Variants in NCKAP5 observed in about 807,000 individuals in gnomAD.
The protein encoded by NCKAP5 is NCK associated protein 5.
NCKAP5 carries 92 observed loss-of-function variants against 167.0 expected under a neutral mutation model. The observed-to-expected ratio is 0.55, with a 90% CI of 0.47 to 0.66. The LOEUF is 0.66. Among genes scored for constraint, NCKAP5 ranks in the 30% least tolerant of loss-of-function variants. The pLI is 0.00. For missense variants in NCKAP5, 2,378 were observed against 2,315.0 expected (o/e 1.03, Z -0.56); for synonymous variants, 891 against 877.4 (o/e 1.02, Z -0.27).
rs555617386 is a variant in NCKAP5, at chr2:133,471,891, C to T, written c.69+45567G>A. On this transcript the variant is annotated intron_variant, in intron 3 of 19. Coordinates refer to ENST00000409261, the MANE Select transcript of NCKAP5 (RefSeq NM_207363.3). ...ATCTTACTCAAGTCTCAAACTTTCA[C>T]GACCATATGTTATGCTTTAGTTTGA... Among the ~76,000 whole-genome samples, 6 of 152,280 alleles carry T rather than the reference C, an allele frequency of 3.9e-5. No homozygotes were observed. In the East Asian group the frequency reaches 9.7e-4, roughly 25 times the overall value.
chr2:133,011,211 C>T (rs2078149307), intron 6 of NCKAP5, among the ~76,000 whole-genome samples: 1 of 152,180 alleles, frequency 6.6e-6, no homozygotes, highest in Admixed American at 6.5e-5. Context: ...TTTTTCCCCC[C>T]ATCTCACTAC....
At chr2:133,557,638 CTATT>C (rs1687835783) in intron 2 of NCKAP5, among the ~76,000 whole-genome samples, 1 of 152,190 alleles carries the variant, frequency 6.6e-6, no homozygotes, top group Non-Finnish European at 1.5e-5. Context: ...CATGCAGAAA[CTATT>C]TAATCAAAGG....
intron 3 of NCKAP5, among the ~76,000 whole-genome samples, chr2:133,359,596 A>G (rs1684963560): frequency 1.3e-5 from 2 of 152,212 alleles, no homozygotes; most frequent in South Asian, 4.1e-4. Flanking sequence ...ATAAGCAGAA[A>G]AAAGTTATTG....
intron 6 of NCKAP5, among the ~76,000 whole-genome samples, chr2:133,039,951 T>C (rs2079158275): frequency 6.6e-6 from 1 of 152,242 alleles, no homozygotes; most frequent in African/African-American, 2.4e-5. Context: ...AGCTCAAAGA[T>C]TTTAAAAATA....
chr2:133,603,227 TC>T, the NCKAP5 span, among the ~76,000 whole-genome samples: 4 of 101,414 alleles, frequency 3.9e-5, no homozygotes, highest in Admixed American at 1.0e-4. Context: ...TCTTTTTCTT[TC>T]TTTTTTTTTT....
At chr2:133,102,210 G>T (rs745639990) in intron 6 of NCKAP5, among the ~76,000 whole-genome samples, 9 of 151,988 alleles carry the variant, frequency 5.9e-5, no homozygotes, top group South Asian at 2.1e-4. Context: ...GCAGTGGCAC[G>T]ATCTCGGCTC....
At chr2:133,291,865 C>G (rs755754572) in intron 4 of NCKAP5, among the ~76,000 whole-genome samples, 6 of 152,212 alleles carry the variant, frequency 3.9e-5, no homozygotes, top group Non-Finnish European at 7.3e-5. Flanking sequence ...TTCAAGGAAC[C>G]TTGCCATCCT....
the NCKAP5 span, among the ~76,000 whole-genome samples, chr2:133,621,777 C>A: frequency 6.6e-6 from 1 of 152,110 alleles, no homozygotes; most frequent in African/African-American, 2.4e-5. Context: ...CTCCCTAAAT[C>A]ATTCTATGAA....
chr2:132,972,355 A>T (rs1359720326), intron 7 of NCKAP5, among the ~76,000 whole-genome samples: 1 of 152,208 alleles, frequency 6.6e-6, no homozygotes, highest in Non-Finnish European at 1.5e-5. Context: ...AGCAAAGGGC[A>T]TTGAGGCTCC....
chr2:133,606,007 T>C, the NCKAP5 span, among the ~76,000 whole-genome samples: 1 of 152,188 alleles, frequency 6.6e-6, no homozygotes, highest in Non-Finnish European at 1.5e-5. Flanking sequence ...TATGCCACAA[T>C]TACATCAGCA....
intron 2 of NCKAP5, among the ~76,000 whole-genome samples, chr2:133,528,773 G>T (rs1456167932): frequency 1.3e-5 from 2 of 152,148 alleles, no homozygotes; most frequent in African/African-American, 2.4e-5. Context: ...AGGTTTAAAT[G>T]ATGCCTTCCC....
At chr2:133,001,328 T>C (rs547259335) in intron 6 of NCKAP5, among the ~76,000 whole-genome samples, 161 of 151,812 alleles carry the variant, frequency 1.1e-3, no homozygotes, top group African/African-American at 3.8e-3. Flanking sequence ...CAAGTGATTG[T>C]CCAGCCTCAG....
At chr2:133,232,324 T>TAAATG (rs2087188915) in intron 4 of NCKAP5, among the ~76,000 whole-genome samples, 2 of 152,126 alleles carry the variant, frequency 1.3e-5, no homozygotes, top group African/African-American at 2.4e-5. Flanking sequence ...TTAAAAATGT[T>TAAATG]TTAAGTCACA....
chr2:133,605,910 T>C, the NCKAP5 span, among the ~76,000 whole-genome samples: 9 of 152,210 alleles, frequency 5.9e-5, no homozygotes, highest in Non-Finnish European at 1.2e-4. Context: ...TGAGGCTCTG[T>C]GCTTCAAAGA....
intron 3 of NCKAP5, among the ~76,000 whole-genome samples, chr2:133,485,217 G>A (rs999538535): frequency 5.9e-5 from 9 of 152,082 alleles, no homozygotes; most frequent in African/African-American, 1.4e-4. Flanking sequence ...ATGTAATTAC[G>A]TTTATATCTT....
intron 4 of NCKAP5, among the ~76,000 whole-genome samples, chr2:133,299,115 G>A (rs1358279444): frequency 6.6e-6 from 1 of 152,112 alleles, no homozygotes; most frequent in Non-Finnish European, 1.5e-5. Flanking sequence ...CTGAATTTTT[G>A]TTGTATCCTA....
chr2:133,627,556 C>G, the NCKAP5 span, among the ~76,000 whole-genome samples: 1 of 152,118 alleles, frequency 6.6e-6, no homozygotes, highest in Non-Finnish European at 1.5e-5. Context: ...AGGTGGATCA[C>G]CTGAGGCCAG....
chr2:132,887,688 C>T (rs1320318362), intron 8 of NCKAP5, among the ~76,000 whole-genome samples: 1 of 152,120 alleles, frequency 6.6e-6, no homozygotes, highest in African/African-American at 2.4e-5. Flanking sequence ...GCTCTGTCAC[C>T]CAGGCTGGAG....
rs946072836 is a variant in NCKAP5, at chr2:133,201,024, A to C, written c.207+12692T>G. On this transcript the variant is annotated intron_variant, in intron 5 of 19. Coordinates refer to ENST00000409261, the MANE Select transcript of NCKAP5 (RefSeq NM_207363.3). ...AAAATTTAGTTTCTAAATTGTGCAC[A>C]GTTAAGAGATTAACAACAATAATAA... 4.6e-5 allele frequency among the ~76,000 whole-genome samples: 7 copies of C among 152,312 alleles called. No homozygotes were observed. The South Asian group carries it at 8.3e-4, about 18-fold the overall frequency.
Sources: gnomAD v4.1 joint callset for allele counts (sites outside exome capture counted in the v4.1 genomes callset) on GRCh38, gnomAD v4.1.1 for gene constraint, MANE v1.5 for transcripts, NCBI Gene and HGNC (gene_info 2026-07-23, HGNC 2026-07-21) for gene names.